MYO5B: variants seen among roughly 807,000 people sequenced by gnomAD.
MYO5B encodes the protein myosin VB.
A neutral mutation model predicts 229.3 loss-of-function variants in MYO5B; 143 were observed. The observed-to-expected ratio is 0.62, with a 90% CI of 0.54 to 0.72. The LOEUF (loss-of-function observed/expected upper bound fraction) is 0.72, where lower values mean the gene tolerates loss of function less well. Among genes scored for constraint, MYO5B ranks in the 30% least tolerant of loss-of-function variants. The probability of loss-of-function intolerance (pLI) is 0.00; values close to 1 mark genes in which losing one functional copy is unlikely to be tolerated. For synonymous variants in MYO5B, 918 were observed against 885.2 expected, an observed-to-expected ratio of 1.04 and a Z score of -0.66; for missense variants, 2,321 against 2,331.0, an observed-to-expected ratio of 1.00 and a Z score of 0.09.
chr18:49,893,054 A>G (rs952774153), intron 22 of MYO5B, among the ~76,000 whole-genome samples: 6 of 152,192 alleles, frequency 3.9e-5, no homozygotes, highest in Admixed American at 1.3e-4. Context: ...TGCTCCTCCA[A>G]TGAAGATTTT....
chr18:50,031,753 T>G (rs902893900), intron 4 of MYO5B, among the ~76,000 whole-genome samples: 1 of 152,240 alleles, frequency 6.6e-6, no homozygotes, highest in African/African-American at 2.4e-5. Flanking sequence ...TGTATCATAT[T>G]ATTTCCTTAT....
chr18:49,883,876 T>C (rs1019741193), intron 22 of MYO5B, among the ~76,000 whole-genome samples: 1 of 152,208 alleles, frequency 6.6e-6, no homozygotes, highest in Non-Finnish European at 1.5e-5. Context: ...AATAGTCTTA[T>C]AATCAAAGGT....
intron 30 of MYO5B, among the ~76,000 whole-genome samples, chr18:49,854,026 A>G (rs1387456365): frequency 2.0e-5 from 3 of 152,250 alleles, no homozygotes; most frequent in Admixed American, 6.5e-5. Flanking sequence ...CATCTGCCCC[A>G]AAGTTCACAA....
At chr18:50,182,230 G>C (rs143630188) in intron 1 of MYO5B, among the ~76,000 whole-genome samples, 45 of 152,298 alleles carry the variant, frequency 3.0e-4, no homozygotes, top group African/African-American at 1.0e-3. Context: ...ACTCGATCTA[G>C]TTTTTCTTCC....
In MYO5B at chr18:49,895,131, G is replaced by A. The variant is rs2024763609; in HGVS notation, c.2855C>T (p.Thr952Ile). The A allele has an allele frequency of 1.9e-6, 3 of 1,614,070 alleles. No individual in the cohort carries two copies. The change falls in exon 22 of 40, where the codon ACC becomes ATC. Residue 952 changes from threonine (T) to isoleucine (I), a missense_variant. Physicochemically the swap from Thr to Ile is moderately conservative, Grantham distance 89. This residue lies in a region of MYO5B where 2,113 missense variants were observed against 2,044.7 expected (regional missense o/e 1.03). Transcript: ENST00000285039. ...CTCTACCTCCATGGTGTATGTTGAGGTGGTCACGGACAACTGCTCTGAAAG... is the reference window on the plus strand; with the variant it reads ...CTCTACCTCCATGGTGTATGTTGAGATGGTCACGGACAACTGCTCTGAAAG... Reference protein sequence around the residue: ...KTLSEQLSVTTSTYTMEVERL... With the variant: ...KTLSEQLSVTISTYTMEVERL...
At chr18:50,032,202 A>T (rs2026397871) in intron 4 of MYO5B, among the ~76,000 whole-genome samples, 1 of 152,170 alleles carries the variant, frequency 6.6e-6, no homozygotes, top group Admixed American at 6.5e-5. Context: ...CTTTATTAAG[A>T]TATCATTCAC....
chr18:50,065,367 A>C (rs1231651199), intron 1 of MYO5B, among the ~76,000 whole-genome samples: 1 of 152,228 alleles, frequency 6.6e-6, no homozygotes, highest in Non-Finnish European at 1.5e-5. Context: ...TGGGTAACTT[A>C]TAAGGGAAAG....
intron 1 of MYO5B, among the ~76,000 whole-genome samples, chr18:50,104,807 A>G (rs2031725366): frequency 6.6e-6 from 1 of 152,212 alleles, no homozygotes; most frequent in Admixed American, 6.5e-5. Context: ...CACAGGTAGC[A>G]TCTGCCCCTT....
chr18:50,007,662 G>A (rs116501460), intron 4 of MYO5B, among the ~76,000 whole-genome samples: 2,880 of 152,230 alleles, frequency 0.019, 99 homozygotes, highest in African/African-American at 0.065. Flanking sequence ...TCTCTCCCAC[G>A]TTGCAGTGGC....
At chr18:50,097,296 T>A in intron 1 of MYO5B, 1 of 456,652 alleles carries the variant, frequency 2.2e-6, no homozygotes, top group South Asian at 1.5e-5. Flanking sequence ...GGCTCACATG[T>A]GCATCTCAGC....
chr18:49,949,108 C>G (rs1385863298), intron 14 of MYO5B, among the ~76,000 whole-genome samples: 5 of 152,138 alleles, frequency 3.3e-5, no homozygotes, highest in Admixed American at 2.6e-4. Context: ...AAAGATGGCA[C>G]TGGGATGCCT....
rs1241135898 is a variant in MYO5B at position 49,825,467 on chromosome 18, A to T, written c.*1004T>A. On this transcript the variant is annotated 3_prime_UTR_variant, in exon 40 of 40. Coordinates refer to ENST00000285039, the MANE Select transcript of MYO5B (RefSeq NM_001080467.3). The stretch of plus-strand genomic sequence containing the variant: ...AATATCCCTGAACTGATTATTTTTG[A>T]AGGTTTTTCAGATGATCTGATGTGC... 3 of 151,506 alleles carry T rather than the reference A, an allele frequency of 2.0e-5. No homozygotes were observed. The highest frequency in any genetic ancestry group is 4.4e-5 in the Non-Finnish European group (3 of 67,882). 9.4% of individuals were successfully genotyped at this position (151,506 alleles called of 1,614,324 possible). A position where few individuals can be genotyped will look rare whatever the true frequency, so the allele number is the denominator to read the frequency against.
intron 1 of MYO5B, among the ~76,000 whole-genome samples, chr18:50,164,070 A>T (rs2032808730): frequency 6.6e-6 from 1 of 152,234 alleles, no homozygotes; most frequent in Non-Finnish European, 1.5e-5. Flanking sequence ...TTTCTGCATA[A>T]CATAAGGTGG....
intron 4 of MYO5B, among the ~76,000 whole-genome samples, chr18:50,030,076 C>T (rs538158316): frequency 6.6e-6 from 1 of 152,254 alleles, no homozygotes; most frequent in Admixed American, 6.5e-5. Flanking sequence ...ATTTAGGTCA[C>T]CTCTGTATAA....
intron 2 of MYO5B, among the ~76,000 whole-genome samples, chr18:50,047,548 T>C (rs1394183059): frequency 6.6e-6 from 1 of 152,196 alleles, no homozygotes; most frequent in Non-Finnish European, 1.5e-5. Flanking sequence ...CTCAGGGATC[T>C]AGAACTAGAA....
intron 4 of MYO5B, among the ~76,000 whole-genome samples, chr18:50,014,422 A>C (rs878856733): frequency 6.6e-6 from 1 of 152,124 alleles, no homozygotes; most frequent in African/African-American, 2.4e-5. Flanking sequence ...CATTTCTGTA[A>C]AACTTGGTTT....
At chr18:50,066,166 G>A (rs550216680) in intron 1 of MYO5B, among the ~76,000 whole-genome samples, 1 of 152,298 alleles carries the variant, frequency 6.6e-6, no homozygotes, top group East Asian at 1.9e-4. Flanking sequence ...CAGATGGAGT[G>A]TATATGGAAG....
At chr18:49,967,503 C>T (rs2025639031) in intron 10 of MYO5B, among the ~76,000 whole-genome samples, 1 of 152,232 alleles carries the variant, frequency 6.6e-6, no homozygotes, top group Admixed American at 6.5e-5. Flanking sequence ...CACTCTCCAG[C>T]ATTCTGCCTT....
At chr18:49,919,500 A>T (rs550157030) in intron 17 of MYO5B, among the ~76,000 whole-genome samples, 2 of 152,072 alleles carry the variant, frequency 1.3e-5, no homozygotes, top group South Asian at 2.1e-4. Context: ...GTAATCCAAT[A>T]AAAAAAATGG....
Sources: gnomAD v4.1 joint callset for allele counts (sites outside exome capture counted in the v4.1 genomes callset) on GRCh38, gnomAD v4.1.1 for gene constraint, gnomAD v4.1.1 regional missense constraint, MANE v1.5 for transcripts, NCBI Gene and HGNC (gene_info 2026-07-23, HGNC 2026-07-21) for gene names.